Variants in PRCP observed in about 807,000 individuals in gnomAD.
PRCP encodes prolylcarboxypeptidase.
A neutral mutation model predicts 54.2 loss-of-function variants in PRCP; 46 were observed. The ratio of observed to expected loss-of-function variants is 0.85; its 90% CI spans 0.67 to 1.09. PRCP has a LOEUF of 1.09. Among genes scored for constraint, PRCP ranks in the 50% least tolerant of loss-of-function variants. The pLI, the probability that PRCP is intolerant of heterozygous loss-of-function variation, is 0.00. For missense variants in PRCP, 613 were observed against 596.8 expected (o/e 1.03, Z -0.28); for synonymous variants, 240 against 212.2 (o/e 1.13, Z -1.14).
rs538993322 is a variant in PRCP, at chr11:82,872,488, G to A, written c.169-12371C>T. On this transcript the variant is annotated intron_variant, in intron 1 of 8. Transcript: ENST00000313010. ...AAAAGAAGAGACAAAGAGGCACAGA[G>A]AGAAGAATGCCATGTTAAGACACAG... Among the ~76,000 whole-genome samples, 8 of 152,320 alleles carry A rather than the reference G, an allele frequency of 5.3e-5. No homozygotes were observed. In the East Asian group the frequency reaches 1.5e-3, roughly 29 times the overall value.
At chr11:82,833,142 G>A (rs1008455034) in intron 8 of PRCP, among the ~76,000 whole-genome samples, 1 of 152,064 alleles carries the variant, frequency 6.6e-6, no homozygotes, top group South Asian at 2.1e-4. Flanking sequence ...TTCATTATGC[G>A]CCAGTCACTG....
intron 1 of PRCP, among the ~76,000 whole-genome samples, chr11:82,880,610 G>A (rs1859724360): frequency 6.6e-6 from 1 of 152,174 alleles, no homozygotes; most frequent in Admixed American, 6.5e-5. Flanking sequence ...CATCATTCAT[G>A]CTGGGAGCTG....
chr11:82,828,663 T>C (rs1399739175), intron 8 of PRCP: 1 of 152,220 alleles, frequency 6.6e-6, no homozygotes, highest in Non-Finnish European at 1.5e-5. Context: ...TCCCATAATT[T>C]GCAAAATCAT....
chr11:82,827,867 T>A (rs1020274493), intron 8 of PRCP: 1 of 152,226 alleles, frequency 6.6e-6, no homozygotes, highest in African/African-American at 2.4e-5. Context: ...AGTATAGTCA[T>A]CTTAATAGTA....
Position 82,824,576 on chromosome 11 carries a change from G to C in PRCP, c.*330C>G. 3.6e-6 allele frequency: 1 copy of C among 276,664 alleles called. No individual in the cohort carries two copies. Among genetic ancestry groups the C allele is most frequent in the South Asian group, 4.4e-5 (1 of 22,878 alleles). 17.1% of individuals were successfully genotyped at this position (276,664 alleles called of 1,614,324 possible). On this transcript the variant is annotated 3_prime_UTR_variant, in exon 9 of 9. Coordinates refer to ENST00000313010, the MANE Select transcript of PRCP (RefSeq NM_005040.4). ...GACACTTCAACCTCAAAACCAAAGA[G>C]AAATCTCTGCTTGCAGAGATACAAA...
intron 1 of PRCP, among the ~76,000 whole-genome samples, chr11:82,867,510 G>A (rs1003065116): frequency 6.6e-6 from 1 of 152,132 alleles, no homozygotes; most frequent in African/African-American, 2.4e-5. Context: ...TCTATCTGTT[G>A]GTCAAACAGC....
In PRCP at chr11:82,890,694, T is replaced by C. The variant is rs549104696; in HGVS notation, c.168+9541A>G. ...TCAGCTTCTCCCATTCTCTCTTGCA[T>C]CCACTCCAATGAGGCTTTCGCCTCC... On this transcript the variant is annotated intron_variant, in intron 1 of 8. Transcript: ENST00000313010. Among the ~76,000 whole-genome samples the C allele has an allele frequency of 1.4e-4, 22 of 152,362 alleles. 1 individual carries two copies. The highest frequency in any genetic ancestry group is 5.9e-4 in the Admixed American group (9 of 15,300).
chr11:82,900,593 C>T, upstream of PRCP: 1 of 746,806 alleles, frequency 1.3e-6, no homozygotes, highest in Non-Finnish European at 2.3e-6. Flanking sequence ...GCCCCCATCC[C>T]CGAGGACACC....
intron 1 of PRCP, among the ~76,000 whole-genome samples, chr11:82,872,969 G>T (rs965230383): frequency 1.3e-5 from 2 of 152,070 alleles, no homozygotes; most frequent in African/African-American, 4.8e-5. Flanking sequence ...GAATGGTACT[G>T]GATGAGGCTT....
intron 1 of PRCP, among the ~76,000 whole-genome samples, chr11:82,863,222 G>A (rs1859249818): frequency 6.6e-6 from 1 of 152,184 alleles, no homozygotes; most frequent in East Asian, 1.9e-4. Flanking sequence ...CACTGAGTTA[G>A]AATAAGCACC....
intron 3 of PRCP, among the ~76,000 whole-genome samples, chr11:82,852,171 C>A (rs750859129): frequency 2.5e-4 from 38 of 152,260 alleles, no homozygotes; most frequent in South Asian, 4.1e-4. Context: ...CAGATATTTA[C>A]GCAAAATACC....
At chr11:82,855,676 T>C (rs1859066886) in intron 2 of PRCP, among the ~76,000 whole-genome samples, 1 of 151,774 alleles carries the variant, frequency 6.6e-6, no homozygotes, top group Admixed American at 6.6e-5. Context: ...AACAACCCCA[T>C]TAAAAAGTGG....
At chr11:82,830,654 A>AAAAAAAAAAAAAAAAAAAC (rs1358047460) in intron 8 of PRCP, 1 of 150,192 alleles carries the variant, frequency 6.7e-6, no homozygotes, top group Non-Finnish European at 1.5e-5. Context: ...AAAAAAAAAA[A>AAAAAAAAAAAAAAAAAAAC]ACTACACTCC....
chr11:82,877,622 G>T (rs892860205), intron 1 of PRCP, among the ~76,000 whole-genome samples: 1 of 152,228 alleles, frequency 6.6e-6, no homozygotes, highest in African/African-American at 2.4e-5. Context: ...CTTCCACATG[G>T]TGTTGAGCCT....
rs1242635277 is a variant in PRCP, at chr11:82,823,536, T to A, written c.*1370A>T. 1 of 111,020 alleles carries A rather than the reference T, an allele frequency of 9.0e-6. No homozygotes were observed. The highest frequency in any genetic ancestry group is 4.6e-5 in the African/African-American group (1 of 21,782). The allele number at this position is 111,020 out of a possible 1,614,324, so 6.9% of individuals were successfully genotyped here. Reference sequence around the variant, plus strand: ...CCATCCCAAGAATGAACTCTATATATGCCCTTAAAAAAAAAAAATGCCATA... The same window carrying A: ...CCATCCCAAGAATGAACTCTATATAAGCCCTTAAAAAAAAAAAATGCCATA... On this transcript the variant is annotated 3_prime_UTR_variant, in exon 9 of 9. Coordinates refer to ENST00000313010, the MANE Select transcript of PRCP (RefSeq NM_005040.4).
At chr11:82,867,295 C>A (rs530346949) in intron 1 of PRCP, among the ~76,000 whole-genome samples, 1 of 152,150 alleles carries the variant, frequency 6.6e-6, no homozygotes, top group African/African-American at 2.4e-5. Flanking sequence ...TGCTTAATAA[C>A]CTTTCTTTCC....
intron 3 of PRCP, 24 bp from the exon 4 acceptor site, chr11:82,850,529 C>A: frequency 1.3e-6 from 2 of 1,522,124 alleles, no homozygotes; most frequent in Non-Finnish European, 1.8e-6. Context: ...ACAAAGAACA[C>A]GGGTATAAAT....
chr11:82,828,647 AATAATTCCC>A (rs1302977633), intron 8 of PRCP: 2 of 152,230 alleles, frequency 1.3e-5, no homozygotes, highest in Non-Finnish European at 2.9e-5. Context: ...AATACATGAA[AATAATTCCC>A]ATAATTTGCA....
At chr11:82,899,285 A>G (rs779310762) in intron 1 of PRCP, among the ~76,000 whole-genome samples, 1 of 152,190 alleles carries the variant, frequency 6.6e-6, no homozygotes, top group Non-Finnish European at 1.5e-5. Flanking sequence ...AGAGTACGTT[A>G]TCTGCTCTCA....
Sources: allele counts gnomAD v4.1 joint callset (sites outside exome capture counted in the v4.1 genomes callset), GRCh38; gene constraint gnomAD v4.1.1; transcripts MANE v1.5; gene names NCBI Gene and HGNC (gene_info 2026-07-23, HGNC 2026-07-21).